The following KCNIP1 variants were observed in gnomAD, a reference collection of about 807,000 sequenced individuals.
KCNIP1 encodes potassium voltage-gated channel interacting protein 1.
Under a neutral mutation model 33.0 loss-of-function variants are expected in KCNIP1, and 18 were observed. The observed-to-expected ratio is 0.55, with a 90% CI of 0.38 to 0.81. The LOEUF (loss-of-function observed/expected upper bound fraction) is 0.81, where lower values mean the gene tolerates loss of function less well. Among genes scored for constraint, KCNIP1 ranks in the 30% least tolerant of loss-of-function variants. KCNIP1 has a pLI of 0.00. For synonymous variants in KCNIP1, 93 were observed against 98.3 expected, an observed-to-expected ratio of 0.95 and a Z score of 0.32; for missense variants, 238 against 271.6, an observed-to-expected ratio of 0.88 and a Z score of 0.87.
At chr5:170,525,030 G>T (rs1199889906) in intron 1 of KCNIP1, among the ~76,000 whole-genome samples, 1 of 152,192 alleles carries the variant, frequency 6.6e-6, no homozygotes, top group Non-Finnish European at 1.5e-5. Flanking sequence ...GTTAGGAGGG[G>T]ACTTCTGCAC....
intron 1 of KCNIP1, among the ~76,000 whole-genome samples, chr5:170,425,436 C>T (rs960352069): frequency 1.1e-4 from 17 of 152,190 alleles, no homozygotes. Flanking sequence ...CCTGGCCATG[C>T]AGGTGATGGC....
chr5:170,734,218 G>A (rs1172959029), intron 7 of KCNIP1, among the ~76,000 whole-genome samples: 2 of 147,906 alleles, frequency 1.4e-5, no homozygotes, highest in East Asian at 2.0e-4. Flanking sequence ...CTGGCTTGAT[G>A]ACCCATTTCC....
At chr5:170,616,151 C>A (rs1405126958) in intron 1 of KCNIP1, among the ~76,000 whole-genome samples, 12 of 152,202 alleles carry the variant, frequency 7.9e-5, no homozygotes, top group Admixed American at 5.9e-4. Context: ...TCAAATCACT[C>A]ACTTCTCTGA....
At chr5:170,569,791 G>A (rs1269115992) in intron 1 of KCNIP1, among the ~76,000 whole-genome samples, 1 of 151,922 alleles carries the variant, frequency 6.6e-6, no homozygotes, top group Non-Finnish European at 1.5e-5. Context: ...CACTTAGTAA[G>A]CCTTCACCCT....
In KCNIP1 at chr5:170,441,951, CAAAAAAAAAA is replaced by C. The variant is rs34610945; in HGVS notation, c.88+88002_88+88011del. Among the ~76,000 whole-genome samples the C allele has an allele frequency of 1.5e-4, 11 of 72,248 alleles. No individual in the cohort carries two copies. In the South Asian group the frequency reaches 6.8e-3, roughly 44 times the overall value. 47.4% of individuals were successfully genotyped at this position (72,248 alleles called of 152,430 possible). Reference sequence around the variant, plus strand: ...TGGGTGACAGAGCGAGACTCCATCTCAAAAAAAAAAAAAAAAAAAAAAAAGAATGAACAAC... The same window carrying C: ...TGGGTGACAGAGCGAGACTCCATCTCAAAAAAAAAAAAAAGAATGAACAAC... On this transcript the variant is annotated intron_variant, in intron 1 of 7. Transcript: ENST00000377360.
chr5:170,385,971 A>T (rs1764452391), intron 1 of KCNIP1, among the ~76,000 whole-genome samples: 1 of 151,750 alleles, frequency 6.6e-6, no homozygotes. Context: ...AAAAAAATAC[A>T]AAAAATTAGC....
chr5:170,389,872 C>A (rs992194498), intron 1 of KCNIP1, among the ~76,000 whole-genome samples: 3 of 152,160 alleles, frequency 2.0e-5, no homozygotes, highest in African/African-American at 7.2e-5. Flanking sequence ...CCAAACTTAT[C>A]GTTAAATGAC....
chr5:170,658,426 C>T lies in KCNIP1; in HGVS notation c.62-60332C>T, dbSNP rs972411968. ...CCAAATAATCCATTAATTCATTCAC[C>T]CACAAATTTATTAACCTCTTAAAGG... On this transcript the variant is annotated intron_variant, in intron 1 of 7. Coordinates refer to ENST00000328939, the MANE Select transcript of KCNIP1 (RefSeq NM_014592.4). 3.9e-5 allele frequency among the ~76,000 whole-genome samples: 6 copies of T among 152,278 alleles called. No homozygotes were observed. In the East Asian group the frequency reaches 1.2e-3, roughly 29 times the overall value.
intron 1 of KCNIP1, among the ~76,000 whole-genome samples, chr5:170,693,520 A>T (rs1762795333): frequency 1.3e-5 from 2 of 152,184 alleles, no homozygotes; most frequent in South Asian, 4.1e-4. Context: ...GAAGCTACAG[A>T]GTGCACAGGT....
intron 1 of KCNIP1, among the ~76,000 whole-genome samples, chr5:170,381,215 C>T (rs890877602): frequency 6.6e-6 from 1 of 152,118 alleles, no homozygotes; most frequent in Non-Finnish European, 1.5e-5. Context: ...ACCCAGAAGC[C>T]GGGGCCTGAA....
At chr5:170,459,194 C>T (rs934287932) in intron 1 of KCNIP1, among the ~76,000 whole-genome samples, 1 of 152,012 alleles carries the variant, frequency 6.6e-6, no homozygotes, top group African/African-American at 2.4e-5. Flanking sequence ...ATTTATAAAA[C>T]AATTACTAAT....
rs144748717 is a variant in KCNIP1, at chr5:170,536,978, A to G, written c.61+32345A>G. 3.4e-3 allele frequency among the ~76,000 whole-genome samples: 525 copies of G among 152,240 alleles called. 5 individuals carry two copies. Among genetic ancestry groups the G allele is most frequent in the African/African-American group, 0.011 (462 of 41,538 alleles). ...AAAAATTATTACTGAAGGAGAGATTATGCTCCACAATCTCACCAGAATGTG... is the reference window on the plus strand; with the variant it reads ...AAAAATTATTACTGAAGGAGAGATTGTGCTCCACAATCTCACCAGAATGTG... On this transcript the variant is annotated intron_variant, in intron 1 of 7. Coordinates refer to ENST00000328939, the MANE Select transcript of KCNIP1 (RefSeq NM_014592.4).
At chr5:170,359,892 C>T (rs1364635787) in intron 1 of KCNIP1, among the ~76,000 whole-genome samples, 1 of 152,234 alleles carries the variant, frequency 6.6e-6, no homozygotes, top group Non-Finnish European at 1.5e-5. Flanking sequence ...CCGGGTCTTT[C>T]TCCTAGATAA....
chr5:170,518,912 G>C (rs1755252787), intron 1 of KCNIP1, among the ~76,000 whole-genome samples: 1 of 152,146 alleles, frequency 6.6e-6, no homozygotes, highest in African/African-American at 2.4e-5. Flanking sequence ...GCACATCCTG[G>C]CTCTGGAGAT....
At chr5:170,429,947 G>C (rs1178805770) in intron 1 of KCNIP1, among the ~76,000 whole-genome samples, 2 of 152,182 alleles carry the variant, frequency 1.3e-5, no homozygotes, top group Non-Finnish European at 2.9e-5. Context: ...CCATGAGGTA[G>C]ACCCAGGTAT....
At chr5:170,618,165 C>T (rs527346355) in intron 1 of KCNIP1, among the ~76,000 whole-genome samples, 7 of 152,138 alleles carry the variant, frequency 4.6e-5, no homozygotes, top group East Asian at 1.9e-4. Flanking sequence ...TGTAAACATC[C>T]GGGCGTAATC....
At chr5:170,696,063 C>T (rs1419964718) in intron 1 of KCNIP1, among the ~76,000 whole-genome samples, 6 of 150,192 alleles carry the variant, frequency 4.0e-5, no homozygotes, top group South Asian at 2.1e-4. Context: ...ATAATCTTTG[C>T]GCATGCTGTT....
intron 1 of KCNIP1, among the ~76,000 whole-genome samples, chr5:170,639,764 A>G (rs986520465): frequency 6.6e-6 from 1 of 152,174 alleles, no homozygotes; most frequent in African/African-American, 2.4e-5. Flanking sequence ...CAGGTGTAGC[A>G]CTGCTCACAG....
chr5:170,700,249 C>T (rs1160607298), intron 1 of KCNIP1, among the ~76,000 whole-genome samples: 1 of 152,158 alleles, frequency 6.6e-6, no homozygotes, highest in African/African-American at 2.4e-5. Flanking sequence ...GTCAAGGCCA[C>T]CACAGAGAAG....
Sources: gnomAD v4.1 joint callset for allele counts (sites outside exome capture counted in the v4.1 genomes callset) on GRCh38, gnomAD v4.1.1 for gene constraint, MANE v1.5 for transcripts, NCBI Gene and HGNC (gene_info 2026-07-23, HGNC 2026-07-21) for gene names.